Variants in MGAT4C observed in about 807,000 individuals in gnomAD.
MGAT4C encodes alpha-1,3-mannosyl-glycoprotein 4-beta-N-acetylglucosaminyltransferase C.
MGAT4C carries 19 observed loss-of-function variants against 40.1 expected under a neutral mutation model. The observed-to-expected ratio is 0.47, with a 90% confidence interval of 0.33 to 0.70. The LOEUF is 0.70. MGAT4C is among the 30% of genes least tolerant of loss of function. The pLI is 0.02. For synonymous variants in MGAT4C, 181 were observed against 187.1 expected (o/e 0.97, Z 0.27); for missense variants, 491 against 563.2 (o/e 0.87, Z 1.30).
chr12:86,685,135 C>T (rs1366721266), intron 2 of MGAT4C, among the ~76,000 whole-genome samples: 4 of 152,024 alleles, frequency 2.6e-5, no homozygotes, highest in Non-Finnish European at 5.9e-5. Flanking sequence ...AATGGTATTG[C>T]CTAGGTTTTC....
chr12:86,060,311 A>T, intron 1 of MGAT4C, among the ~76,000 whole-genome samples: 1 of 152,228 alleles, frequency 6.6e-6, no homozygotes, highest in East Asian at 1.9e-4. Context: ...AAACAATAAA[A>T]GTATTTAGGA....
At chr12:86,397,561 T>A (rs978704236) in intron 3 of MGAT4C, among the ~76,000 whole-genome samples, 4 of 152,022 alleles carry the variant, frequency 2.6e-5, no homozygotes, top group African/African-American at 9.7e-5. Context: ...ATATCTTATG[T>A]TTATTCACCC....
At chr12:86,141,109 A>G (rs1164434316) in intron 1 of MGAT4C, among the ~76,000 whole-genome samples, 1 of 152,194 alleles carries the variant, frequency 6.6e-6, no homozygotes, top group Non-Finnish European at 1.5e-5. Flanking sequence ...TGGTCTCTGA[A>G]AAATAAGTGT....
chr12:86,419,396 A>G (rs1956779858), intron 3 of MGAT4C, among the ~76,000 whole-genome samples: 1 of 151,466 alleles, frequency 6.6e-6, no homozygotes, highest in African/African-American at 2.4e-5. Flanking sequence ...ATATATGTAC[A>G]TATATCCATA....
chr12:86,056,558 T>C (rs192196559), intron 1 of MGAT4C, among the ~76,000 whole-genome samples: 33 of 152,302 alleles, frequency 2.2e-4, no homozygotes, highest in Non-Finnish European at 3.7e-4. Context: ...GCAAAGCACA[T>C]GAACTCATCC....
At chr12:86,770,825 T>C (rs1042530490) in intron 1 of MGAT4C, among the ~76,000 whole-genome samples, 4 of 152,122 alleles carry the variant, frequency 2.6e-5, no homozygotes, top group Non-Finnish European at 4.4e-5. Context: ...AAATTTTAAG[T>C]TGTTTTTCTA....
chr12:86,056,077 C>A (rs1403390468), intron 1 of MGAT4C, among the ~76,000 whole-genome samples: 1 of 152,052 alleles, frequency 6.6e-6, no homozygotes, highest in Non-Finnish European at 1.5e-5. Flanking sequence ...TTATTCCAGG[C>A]ATTCTTCTGG....
intron 2 of MGAT4C, among the ~76,000 whole-genome samples, chr12:86,696,370 A>G (rs1254738643): frequency 6.6e-6 from 1 of 152,052 alleles, no homozygotes; most frequent in Non-Finnish European, 1.5e-5. Context: ...ATTAAAAACT[A>G]AAAAAAAGTG....
At chr12:86,774,416 TCTC>T (rs1951716954) in intron 1 of MGAT4C, among the ~76,000 whole-genome samples, 1 of 149,748 alleles carries the variant, frequency 6.7e-6, no homozygotes, top group Non-Finnish European at 1.5e-5. Context: ...TCTCTCTCTC[TCTC>T]TCTTTCTTTC....
intron 2 of MGAT4C, among the ~76,000 whole-genome samples, chr12:86,441,401 G>C (rs1438230734): frequency 6.6e-6 from 1 of 151,426 alleles, no homozygotes; most frequent in African/African-American, 2.4e-5. Context: ...ACAACGTGCA[G>C]GTTTGTTACA....
intron 2 of MGAT4C, among the ~76,000 whole-genome samples, chr12:85,992,194 C>T (rs757491503): frequency 1.3e-5 from 2 of 152,222 alleles, no homozygotes; most frequent in Non-Finnish European, 2.9e-5. Context: ...TTAAAAGCGA[C>T]TAGCACAGCT....
intron 2 of MGAT4C, among the ~76,000 whole-genome samples, chr12:86,566,542 A>G (rs1361069816): frequency 1.0e-5 from 1 of 95,456 alleles, no homozygotes; most frequent in Non-Finnish European, 1.9e-5. Flanking sequence ...ATATATATAT[A>G]TATATATATA....
At chr12:86,541,165 T>C (rs1021132667) in intron 2 of MGAT4C, among the ~76,000 whole-genome samples, 6 of 152,220 alleles carry the variant, frequency 3.9e-5, no homozygotes, top group African/African-American at 1.4e-4. Context: ...CTATCCTTCA[T>C]GTTGTTCTCT....
intron 2 of MGAT4C, among the ~76,000 whole-genome samples, chr12:86,648,157 G>A (rs1193172544): frequency 2.6e-5 from 4 of 151,790 alleles, no homozygotes; most frequent in African/African-American, 9.7e-5. Flanking sequence ...TCAATTATTT[G>A]TATTATATTA....
At chr12:86,686,185 TTG>T (rs1325288381) in intron 2 of MGAT4C, among the ~76,000 whole-genome samples, 1 of 152,108 alleles carries the variant, frequency 6.6e-6, no homozygotes, top group Non-Finnish European at 1.5e-5. Context: ...GGCTGAATGC[TTG>T]TGATTTTTGC....
chr12:86,248,240 TTCCTTCCTTC>T (rs1952124041), intron 1 of MGAT4C, among the ~76,000 whole-genome samples: 1 of 147,886 alleles, frequency 6.8e-6, no homozygotes, highest in African/African-American at 2.5e-5. Flanking sequence ...CCTTCCTTCC[TTCCTTCCTTC>T]TCTCAGGCAG....
At position 86,475,793 on chromosome 12, in the gene MGAT4C, A is replaced by C. The variant is rs1957825868; in HGVS notation, c.-228-40528T>G. ...TTTTGAATATATCTGCTATAAATAC[A>C]AATTGATACAAAGTAAGCATGATAA... On this transcript the variant is annotated intron_variant, in intron 2 of 7. Transcript: ENST00000548651. 2.0e-5 allele frequency among the ~76,000 whole-genome samples: 3 copies of C among 152,102 alleles called. No individual in the cohort carries two copies. The South Asian group carries it at 6.2e-4, about 31-fold the overall frequency.
intron 3 of MGAT4C, among the ~76,000 whole-genome samples, chr12:86,361,795 C>T (rs1955480127): frequency 6.6e-6 from 1 of 152,224 alleles, no homozygotes; most frequent in African/African-American, 2.4e-5. Flanking sequence ...GATACCATCT[C>T]ACACCAGTTA....
At chr12:86,273,751 C>T (rs549697271) in intron 4 of MGAT4C, among the ~76,000 whole-genome samples, 12 of 151,982 alleles carry the variant, frequency 7.9e-5, no homozygotes, top group African/African-American at 2.7e-4. Flanking sequence ...ACACTGCATA[C>T]GATAACAGAG....
Sources: allele counts gnomAD v4.1 joint callset (sites outside exome capture counted in the v4.1 genomes callset), GRCh38; gene constraint gnomAD v4.1.1; transcripts MANE v1.5; gene names NCBI Gene and HGNC (gene_info 2026-07-23, HGNC 2026-07-21).